The following PARD3B variants were observed in gnomAD, a reference collection of about 807,000 sequenced individuals.
PARD3B encodes par-3 family cell polarity regulator beta.
PARD3B carries 103 observed loss-of-function variants against 130.2 expected under a neutral mutation model. The ratio of observed to expected loss-of-function variants is 0.79; its 90% confidence interval spans 0.67 to 0.93. PARD3B has a LOEUF of 0.93. Among genes scored for constraint, PARD3B ranks in the 40% least tolerant of loss-of-function variants. PARD3B has a pLI of 0.00. For missense variants in PARD3B, 1,609 were observed against 1,499.2 expected (o/e 1.07, Z -1.21); for synonymous variants, 583 against 553.2 (o/e 1.05, Z -0.76).
At chr2:204,902,492 A>AC (rs774646288) in intron 2 of PARD3B, among the ~76,000 whole-genome samples, 2 of 151,838 alleles carry the variant, frequency 1.3e-5, no homozygotes, top group Non-Finnish European at 2.9e-5. Flanking sequence ...ACACGGTGAG[A>AC]CCCCGTCTCT....
chr2:205,141,166 T>C (rs1378144690), intron 10 of PARD3B, among the ~76,000 whole-genome samples: 1 of 152,226 alleles, frequency 6.6e-6, no homozygotes, highest in Non-Finnish European at 1.5e-5. Flanking sequence ...CTGAATTATC[T>C]GTACCTAATG....
intron 1 of PARD3B, chr2:204,557,911 G>A (rs1486805880): frequency 6.6e-6 from 1 of 152,256 alleles, no homozygotes; most frequent in South Asian, 2.1e-4. Flanking sequence ...AGGTTTGTGT[G>A]ATGCAGTCTC....
intron 22 of PARD3B, among the ~76,000 whole-genome samples, chr2:205,576,635 T>A (rs986819408): frequency 2.0e-5 from 3 of 152,182 alleles, no homozygotes; most frequent in Non-Finnish European, 4.4e-5. Context: ...GGACTTCCTA[T>A]TCTGTTCCAT....
intron 1 of PARD3B, among the ~76,000 whole-genome samples, chr2:204,671,144 A>C (rs2036278115): frequency 6.6e-6 from 1 of 152,128 alleles, no homozygotes; most frequent in South Asian, 2.1e-4. Flanking sequence ...ATCACCTGTC[A>C]GGAGTGACTG....
intron 1 of PARD3B, among the ~76,000 whole-genome samples, chr2:204,603,706 G>T (rs1019485864): frequency 6.6e-5 from 10 of 152,024 alleles, no homozygotes; most frequent in Non-Finnish European, 8.8e-5. Context: ...ATTGTATTTG[G>T]CAAAGGGGAC....
intron 22 of PARD3B, among the ~76,000 whole-genome samples, chr2:205,569,329 T>C (rs11687250): frequency 0.53 from 80,218 of 151,850 alleles, 23,893 homozygotes; most frequent in Middle Eastern, 0.76. Context: ...AAGCTATCTT[T>C]ATGGTAATAT....
At chr2:204,584,026 G>A (rs2032709309) in intron 1 of PARD3B, among the ~76,000 whole-genome samples, 1 of 152,226 alleles carries the variant, frequency 6.6e-6, no homozygotes, top group African/African-American at 2.4e-5. Flanking sequence ...TGAAGTTGGG[G>A]GCATGCAGCC....
At chr2:205,400,986 A>G (rs141490259) in intron 18 of PARD3B, 27 bp from the exon 19 acceptor site, 3 of 1,518,624 alleles carry the variant, frequency 2.0e-6, no homozygotes, top group Non-Finnish European at 2.7e-6. Flanking sequence ...ATTATTGTTA[A>G]CAGCCTTCTC....
chr2:204,960,913 A>C (rs966008307), intron 2 of PARD3B, among the ~76,000 whole-genome samples: 1 of 152,232 alleles, frequency 6.6e-6, no homozygotes, highest in African/African-American at 2.4e-5. Context: ...AAAGGCTGGC[A>C]TTTGATTAAA....
At chr2:204,585,934 T>A (rs1214763299) in intron 1 of PARD3B, among the ~76,000 whole-genome samples, 1 of 152,210 alleles carries the variant, frequency 6.6e-6, no homozygotes, top group African/African-American at 2.4e-5. Context: ...TGCATGCATA[T>A]GAGATGACAG....
At chr2:204,819,316 A>G (rs1157846777) in intron 2 of PARD3B, among the ~76,000 whole-genome samples, 2 of 152,178 alleles carry the variant, frequency 1.3e-5, no homozygotes, top group African/African-American at 4.8e-5. Flanking sequence ...CCTTTTCATT[A>G]TCATATTTGT....
At chr2:205,391,811 G>A (rs1026489206) in intron 18 of PARD3B, among the ~76,000 whole-genome samples, 2 of 152,058 alleles carry the variant, frequency 1.3e-5, no homozygotes, top group South Asian at 2.1e-4. Context: ...ACTCATTCAC[G>A]CTTATTTTTA....
At chr2:205,169,141 G>T (rs1175173968) in intron 11 of PARD3B, among the ~76,000 whole-genome samples, 1 of 152,082 alleles carries the variant, frequency 6.6e-6, no homozygotes, top group Non-Finnish European at 1.5e-5. Flanking sequence ...TACTGGCATC[G>T]CCATTAATGA....
rs561696094 is a variant in PARD3B at position 205,530,308 on chromosome 2, CTT to C, written c.3181-23015_3181-23014del. On this transcript the variant is annotated intron_variant, in intron 21 of 22. Transcript: ENST00000406610. The surrounding 1 kb of genome is among the most constrained non-coding windows in gnomAD (Gnocchi z 4.7). ...CCACCCACAACAGGGTTAAACAAGA[CTT>C]GAGGACTTTTAGGTGAGGAGTAGAT... Among the ~76,000 whole-genome samples the C allele has an allele frequency of 8.9e-4, 136 of 152,218 alleles. No homozygotes were observed. Among genetic ancestry groups the C allele is most frequent in the African/African-American group, 3.2e-3 (132 of 41,530 alleles).
intron 4 of PARD3B, among the ~76,000 whole-genome samples, chr2:205,057,687 GTA>G (rs1699808347): frequency 1.6e-5 from 2 of 121,466 alleles, no homozygotes. Flanking sequence ...ATGTGTATAC[GTA>G]CATATACATA....
Position 204,648,640 on chromosome 2 carries a change from T to A in PARD3B, c.121-37541T>A, listed in dbSNP as rs1389270392. On this transcript the variant is annotated intron_variant, in intron 1 of 22. Coordinates refer to ENST00000406610, the MANE Select transcript of PARD3B (RefSeq NM_001302769.2). ...TATACTATAATTTATATATAATATA[T>A]ATTATATATATAATATATTTATAAT... Among the ~76,000 whole-genome samples the A allele has an allele frequency of 2.1e-4, 25 of 118,076 alleles. 1 individual carries two copies. The East Asian group carries it at 2.4e-3, about 11-fold the overall frequency. 77.5% of individuals were successfully genotyped at this position (118,076 alleles called of 152,430 possible).
chr2:204,948,312 T>C (rs1441152752), intron 2 of PARD3B, among the ~76,000 whole-genome samples: 2 of 152,214 alleles, frequency 1.3e-5, no homozygotes, highest in Non-Finnish European at 2.9e-5. Flanking sequence ...TGGTGGCTGC[T>C]TATTAAATTA....
intron 2 of PARD3B, among the ~76,000 whole-genome samples, chr2:204,735,940 C>T (rs1019517209): frequency 9.2e-5 from 14 of 152,226 alleles, no homozygotes; most frequent in African/African-American, 2.6e-4. Flanking sequence ...AACTTTTCTA[C>T]GTGCTTAAAA....
At chr2:205,282,938 A>G (rs891076438) in intron 16 of PARD3B, among the ~76,000 whole-genome samples, 14 of 152,218 alleles carry the variant, frequency 9.2e-5, no homozygotes, top group East Asian at 5.8e-4. Context: ...CTGACTGATC[A>G]ATACAGCTGA....
Sources: allele counts gnomAD v4.1 joint callset (sites outside exome capture counted in the v4.1 genomes callset), GRCh38; gene constraint gnomAD v4.1.1; non-coding constraint Gnocchi (gnomAD v3.1); transcripts MANE v1.5; gene names NCBI Gene and HGNC (gene_info 2026-07-23, HGNC 2026-07-21).